CSMD3: variants seen among roughly 807,000 people sequenced by gnomAD.
The protein encoded by CSMD3 is CUB and sushi domain-containing protein 3.
CSMD3 carries 177 observed loss-of-function variants against 435.2 expected under a neutral mutation model. That is an observed-to-expected ratio of 0.41 (90% confidence interval 0.36 to 0.46). The LOEUF (loss-of-function observed/expected upper bound fraction) is 0.46. CSMD3 is among the 20% of genes least tolerant of loss of function. The pLI is 0.34. For missense variants in CSMD3, 4,265 were observed against 4,504.6 expected, an observed-to-expected ratio of 0.95 and a Z score of 1.52; for synonymous variants, 1,656 against 1,520.5, an observed-to-expected ratio of 1.09 and a Z score of -2.07.
chr8:113,144,373 T>G (rs114682138), intron 4 of CSMD3, among the ~76,000 whole-genome samples: 1,912 of 151,506 alleles, frequency 0.013, 47 homozygotes, highest in African/African-American at 0.044. Context: ...GCCCCACAAC[T>G]CTGCTGGCCA....
intron 13 of CSMD3, among the ~76,000 whole-genome samples, chr8:112,775,995 A>G (rs1237459807): frequency 6.6e-6 from 1 of 151,866 alleles, no homozygotes; most frequent in Non-Finnish European, 1.5e-5. Context: ...CTAGCATGAT[A>G]CTTGATATAT....
In CSMD3 at chr8:112,975,097, T is replaced by G. The variant is rs184921385; in HGVS notation, c.1342+740A>C. Among the ~76,000 whole-genome samples the G allele has an allele frequency of 4.0e-5, 6 of 151,860 alleles. No individual in the cohort carries two copies. The East Asian group carries it at 9.7e-4, about 25-fold the overall frequency. The stretch of plus-strand genomic sequence containing the variant: ...CACTTGCCACCAAGAAACAGAAAAA[T>G]GTATTTTCTAGACTTCCTTATTTTG... On this transcript the variant is annotated intron_variant, in intron 7 of 70. Coordinates refer to ENST00000297405, the MANE Select transcript of CSMD3 (RefSeq NM_198123.2).
chr8:113,116,649 C>T (rs550492016), intron 4 of CSMD3, among the ~76,000 whole-genome samples: 19 of 152,052 alleles, frequency 1.2e-4, no homozygotes, highest in South Asian at 2.1e-4. Context: ...CAGAAGAAGA[C>T]AAAAAACTGT....
chr8:112,310,518 A>C (rs571325175), intron 50 of CSMD3: 1 of 229,856 alleles, frequency 4.4e-6, no homozygotes, highest in African/African-American at 2.3e-5. Flanking sequence ...CCACTGAAGA[A>C]AAAAAATATC....
At chr8:112,406,161 T>C (rs559710401) in intron 35 of CSMD3, among the ~76,000 whole-genome samples, 1 of 152,070 alleles carries the variant, frequency 6.6e-6, no homozygotes, top group Non-Finnish European at 1.5e-5. Context: ...ACACCTACTG[T>C]GTACCCACAA....
At chr8:112,993,462 A>G (rs1485303651) in intron 6 of CSMD3, among the ~76,000 whole-genome samples, 1 of 151,866 alleles carries the variant, frequency 6.6e-6, no homozygotes, top group Admixed American at 6.6e-5. Flanking sequence ...TTATTGAATT[A>G]AGAAAACAGG....
chr8:112,609,124 C>A (rs1187573877), intron 22 of CSMD3, among the ~76,000 whole-genome samples: 5 of 137,408 alleles, frequency 3.6e-5, no homozygotes, highest in African/African-American at 1.4e-4. Context: ...ATCGCTTGAA[C>A]CTGGGAGGCG....
chr8:112,677,869 G>T (rs573633971), intron 16 of CSMD3, among the ~76,000 whole-genome samples: 40 of 152,190 alleles, frequency 2.6e-4, no homozygotes, highest in African/African-American at 9.1e-4. Flanking sequence ...AGGAATAGAG[G>T]TTGCTGTCCA....
At chr8:112,912,918 C>G (rs1001817673) in intron 10 of CSMD3, among the ~76,000 whole-genome samples, 3 of 151,892 alleles carry the variant, frequency 2.0e-5, no homozygotes, top group Non-Finnish European at 4.4e-5. Context: ...AGACATTTCT[C>G]AAAAGAAGAC....
intron 27 of CSMD3, among the ~76,000 whole-genome samples, chr8:112,534,710 A>T (rs1355803775): frequency 2.6e-5 from 4 of 151,906 alleles, no homozygotes; most frequent in Non-Finnish European, 1.5e-5. Context: ...TACCAAAGCC[A>T]GGCAGAGACA....
intron 9 of CSMD3, among the ~76,000 whole-genome samples, chr8:112,926,022 C>T (rs1054993949): frequency 2.0e-5 from 3 of 152,170 alleles, no homozygotes; most frequent in African/African-American, 7.2e-5. Flanking sequence ...ACATCTCCAT[C>T]CAGGATCACA....
At chr8:113,247,330 A>C (rs2093286263) in intron 3 of CSMD3, among the ~76,000 whole-genome samples, 1 of 152,154 alleles carries the variant, frequency 6.6e-6, no homozygotes, top group Non-Finnish European at 1.5e-5. Flanking sequence ...GACAGATAAA[A>C]TAGTGACAAT....
intron 4 of CSMD3, among the ~76,000 whole-genome samples, chr8:113,115,912 G>A (rs114680889): frequency 2.3e-3 from 348 of 152,230 alleles, no homozygotes; most frequent in African/African-American, 8.0e-3. Flanking sequence ...TTAGTGCCTA[G>A]AAAATATAGG....
chr8:112,944,781 C>T (rs1327603845), intron 9 of CSMD3, among the ~76,000 whole-genome samples: 3 of 151,460 alleles, frequency 2.0e-5, no homozygotes, highest in Non-Finnish European at 4.4e-5. Context: ...TTGTCATAGT[C>T]CTCTGGTCTC....
At chr8:113,246,226 T>C (rs2093274903) in intron 3 of CSMD3, among the ~76,000 whole-genome samples, 1 of 152,016 alleles carries the variant, frequency 6.6e-6, no homozygotes, top group African/African-American at 2.4e-5. Context: ...TAATACACTT[T>C]ATTGTGTACC....
chr8:113,139,093 C>CA lies in CSMD3; in HGVS notation c.709+34628dup, dbSNP rs983172426. On this transcript the variant is annotated intron_variant, in intron 4 of 70. Transcript: ENST00000297405. ...AGGAATGAGTGAGTTGGAAAACAAA[C>CA]AAAAAAAATCACACAATCTGAACAG... Among the ~76,000 whole-genome samples, 15 of 149,716 alleles carry CA rather than the reference C, an allele frequency of 1.0e-4. No individual in the cohort carries two copies. The South Asian group carries it at 1.3e-3, about 13-fold the overall frequency.
chr8:112,618,125 ACC>A (rs1000546195), intron 22 of CSMD3, among the ~76,000 whole-genome samples: 2 of 152,072 alleles, frequency 1.3e-5, no homozygotes, highest in African/African-American at 4.8e-5. Context: ...AAATAAAATC[ACC>A]TAAAAGATAC....
chr8:113,180,305 T>C (rs1358276280), intron 3 of CSMD3, among the ~76,000 whole-genome samples: 1 of 152,038 alleles, frequency 6.6e-6, no homozygotes, highest in Non-Finnish European at 1.5e-5. Flanking sequence ...CAAAATGTTC[T>C]TTATTACAAA....
intron 53 of CSMD3, among the ~76,000 whole-genome samples, chr8:112,298,537 T>C (rs1820567314): frequency 6.6e-6 from 1 of 151,970 alleles, no homozygotes; most frequent in South Asian, 2.1e-4. Flanking sequence ...TATTAAAAAA[T>C]GAGTAGGCAA....
Sources: allele counts gnomAD v4.1 joint callset (sites outside exome capture counted in the v4.1 genomes callset), GRCh38; gene constraint gnomAD v4.1.1; transcripts MANE v1.5; gene names NCBI Gene and HGNC (gene_info 2026-07-23, HGNC 2026-07-21).